COBL: variants seen among roughly 807,000 people sequenced by gnomAD.
The protein encoded by COBL is protein cordon-bleu.
Under a neutral mutation model 98.8 loss-of-function variants are expected in COBL, and 51 were observed. The ratio of observed to expected loss-of-function variants is 0.52; its 90% CI spans 0.41 to 0.65. COBL has a LOEUF of 0.65. COBL is among the 30% of genes least tolerant of loss of function. COBL has a pLI of 0.00. For missense variants in COBL, 1,617 were observed against 1,617.5 expected (o/e 1.00, Z 0.01); for synonymous variants, 634 against 651.7 (o/e 0.97, Z 0.41).
rs762527943 is a variant in COBL at position 51,219,928 on chromosome 7, G to A, written c.58C>T (p.Arg20Cys). The change falls in exon 2 of 13, where the codon CGT (arginine) becomes TGT (cysteine). Residue 20 changes from arginine to cysteine, a missense_variant. By Grantham distance (180) the Arg-to-Cys change is radical (BLOSUM62 -3). Around this residue, in one of 3 missense-constraint regions of COBL, gnomAD observed 238 missense variants for 215.0 expected, o/e 1.11. Transcript: ENST00000265136. ...GCCTTTCCAGGAGGTGGGGGAGCAC[G>A]AGCCTTCATCTTCCTCCTTAAAAAC... ...KPPTGRKMKA[R>C]APPPPGKAAT... is the part of the protein sequence containing the mutation. 1.1e-5 allele frequency: 18 copies of A among 1,610,742 alleles called. No homozygotes were observed. Among genetic ancestry groups the A allele is most frequent in the Middle Eastern group, 4.3e-4 (2 of 4,598 alleles).
intron 1 of COBL, among the ~76,000 whole-genome samples, chr7:51,252,931 G>A (rs1003527925): frequency 6.6e-6 from 1 of 152,104 alleles, no homozygotes; most frequent in Non-Finnish European, 1.5e-5. Context: ...TTTTTAAAAT[G>A]CATAATTTTA....
chr7:51,188,063 TGCA>T, intron 4 of COBL: 1 of 933,294 alleles, frequency 1.1e-6, no homozygotes, highest in Non-Finnish European at 1.4e-6. Context: ...GCTGTCCTGC[TGCA>T]GCAGTGAGAA....
At chr7:51,292,358 T>C (rs753324605) in intron 1 of COBL, among the ~76,000 whole-genome samples, 15 of 152,180 alleles carry the variant, frequency 9.9e-5, no homozygotes, top group Admixed American at 2.6e-4. Context: ...GGAAATCCCA[T>C]AAAAAGTCAT....
chr7:51,290,230 G>A (rs1043648796), intron 1 of COBL, among the ~76,000 whole-genome samples: 1 of 152,236 alleles, frequency 6.6e-6, no homozygotes, highest in Non-Finnish European at 1.5e-5. Context: ...CACAATGCCA[G>A]TGGCATAAAT....
intron 8 of COBL, among the ~76,000 whole-genome samples, chr7:51,041,668 G>C (rs1325846172): frequency 1.3e-5 from 2 of 151,636 alleles, no homozygotes; most frequent in African/African-American, 4.8e-5. Context: ...ATTTTTAGTA[G>C]AGATGAGGTT....
chr7:51,049,867 G>A (rs1203568300), intron 7 of COBL, among the ~76,000 whole-genome samples: 1 of 152,168 alleles, frequency 6.6e-6, no homozygotes, highest in Non-Finnish European at 1.5e-5. Flanking sequence ...GAGACCCTCT[G>A]CCACCAGCAT....
chr7:51,197,392 T>C (rs1790690867), intron 2 of COBL, among the ~76,000 whole-genome samples: 1 of 152,216 alleles, frequency 6.6e-6, no homozygotes, highest in South Asian at 2.1e-4. Context: ...AGATTGGTTG[T>C]TATTATTTAA....
intron 1 of COBL, among the ~76,000 whole-genome samples, chr7:51,311,682 G>A (rs1292050336): frequency 1.3e-5 from 2 of 152,094 alleles, no homozygotes. Context: ...AAACACTCAA[G>A]TGACAAGGTG....
At chr7:51,272,948 CCAACAA>C (rs202039697) in intron 1 of COBL, among the ~76,000 whole-genome samples, 2,110 of 146,190 alleles carry the variant, frequency 0.014, 34 homozygotes, top group African/African-American at 0.042. Flanking sequence ...GAACACAATA[CCAACAA>C]CAACAACAAC....
Position 51,231,282 on chromosome 7 carries a change from G to C in COBL, c.42-11338C>G, listed in dbSNP as rs559407774. Among the ~76,000 whole-genome samples the C allele has an allele frequency of 2.0e-5, 3 of 152,300 alleles. No homozygotes were observed. The East Asian group carries it at 5.8e-4, about 29-fold the overall frequency. On this transcript the variant is annotated intron_variant, in intron 1 of 12. Transcript: ENST00000265136. ...TCTAGTGCAGAGGAAACCCCAGTGT[G>C]CTTCCCTTCCCCCTCTAACATGCTA...
At chr7:51,155,615 A>G (rs968099343) in intron 5 of COBL, among the ~76,000 whole-genome samples, 1 of 150,468 alleles carries the variant, frequency 6.6e-6, no homozygotes, top group African/African-American at 2.4e-5. Context: ...AAAAAAAAAA[A>G]AAAGAAGACT....
chr7:51,155,905 T>C (rs564296029), intron 5 of COBL, among the ~76,000 whole-genome samples: 83 of 152,250 alleles, frequency 5.5e-4, no homozygotes, highest in Non-Finnish European at 9.7e-4. Context: ...AATATCAACA[T>C]TGACTTCTGC....
intron 5 of COBL, among the ~76,000 whole-genome samples, chr7:51,140,986 T>C (rs76478624): frequency 0.046 from 7,068 of 152,140 alleles, 251 homozygotes; most frequent in Middle Eastern, 0.11. Flanking sequence ...AGCACACCCA[T>C]CACACAGCCT....
intron 6 of COBL, among the ~76,000 whole-genome samples, chr7:51,114,822 G>A (rs1401574534): frequency 6.6e-6 from 1 of 152,174 alleles, no homozygotes; most frequent in African/African-American, 2.4e-5. Flanking sequence ...ACTGATATCT[G>A]AAGTATTGTA....
chr7:51,248,559 T>G (rs1426969312), intron 1 of COBL, among the ~76,000 whole-genome samples: 1 of 151,186 alleles, frequency 6.6e-6, no homozygotes, highest in Non-Finnish European at 1.5e-5. Context: ...TGAGTGCATG[T>G]AAATTACACA....
intron 1 of COBL, among the ~76,000 whole-genome samples, chr7:51,233,833 T>C (rs1794991189): frequency 6.6e-6 from 1 of 152,236 alleles, no homozygotes; most frequent in Non-Finnish European, 1.5e-5. Flanking sequence ...TGTTTTTGAC[T>C]ACTTCGTTGC....
intron 1 of COBL, among the ~76,000 whole-genome samples, chr7:51,309,754 C>T (rs1235942424): frequency 6.6e-6 from 1 of 152,208 alleles, no homozygotes; most frequent in Non-Finnish European, 1.5e-5. Flanking sequence ...CTGTGCATCA[C>T]AGGCCACAAA....
intron 1 of COBL, among the ~76,000 whole-genome samples, chr7:51,245,400 C>T (rs1796201939): frequency 6.6e-6 from 1 of 152,176 alleles, no homozygotes; most frequent in Non-Finnish European, 1.5e-5. Context: ...AATTAAGATT[C>T]CAATTCTGCG....
At chr7:51,199,295 G>A (rs1189522374) in intron 2 of COBL, among the ~76,000 whole-genome samples, 1 of 152,150 alleles carries the variant, frequency 6.6e-6, no homozygotes, top group Non-Finnish European at 1.5e-5. Flanking sequence ...GATACCAGAG[G>A]CAATAACATC....
Sources: gnomAD v4.1 joint callset for allele counts (sites outside exome capture counted in the v4.1 genomes callset) on GRCh38, gnomAD v4.1.1 for gene constraint, gnomAD v4.1.1 regional missense constraint, MANE v1.5 for transcripts, NCBI Gene and HGNC (gene_info 2026-07-23, HGNC 2026-07-21) for gene names.